Variants in SPAG16 observed in about 807,000 individuals in gnomAD.
The protein encoded by SPAG16 is sperm associated antigen 16.
A neutral mutation model predicts 80.4 loss-of-function variants in SPAG16; 86 were observed. The observed-to-expected ratio is 1.07, with a 90% CI of 0.90 to 1.28. The LOEUF (loss-of-function observed/expected upper bound fraction) is 1.28, where lower values mean the gene tolerates loss of function less well. Ranked by LOEUF, SPAG16 falls within the 50% of genes most tolerant of loss-of-function variation. SPAG16 has a pLI of 0.00. For missense variants in SPAG16, 870 were observed against 765.3 expected, an observed-to-expected ratio of 1.14 and a Z score of -1.61; for synonymous variants, 294 against 265.9, an observed-to-expected ratio of 1.11 and a Z score of -1.03.
In SPAG16 at chr2:213,667,978, A is replaced by G. The variant is rs1008127189; in HGVS notation, c.1070+177888A>G. ...TTATTTATTTTTGAGACAAAGTCTC[A>G]TTCTGTTGCCCAGGCTGGAGTGCAT... On this transcript the variant is annotated intron_variant, in intron 10 of 15. Coordinates refer to ENST00000331683, the MANE Select transcript of SPAG16 (RefSeq NM_024532.5). Among the ~76,000 whole-genome samples the G allele has an allele frequency of 9.3e-5, 14 of 149,992 alleles. No individual in the cohort carries two copies. In the East Asian group the frequency reaches 1.2e-3, roughly 12 times the overall value.
chr2:213,881,602 A>T (rs2106029664), intron 11 of SPAG16, among the ~76,000 whole-genome samples: 1 of 152,312 alleles, frequency 6.6e-6, no homozygotes, highest in East Asian at 1.9e-4. Flanking sequence ...GGAACAAGGC[A>T]CCTTCTCCAC....
intron 15 of SPAG16, among the ~76,000 whole-genome samples, chr2:214,180,563 A>T (rs1214692815): frequency 2.0e-5 from 3 of 150,594 alleles, no homozygotes; most frequent in African/African-American, 7.3e-5. Context: ...TGTAGTCAGT[A>T]TTCATCCTTC....
At chr2:213,350,447 A>G in intron 6 of SPAG16, 81 bp from the exon 7 acceptor site, 1 of 705,560 alleles carries the variant, frequency 1.4e-6, no homozygotes, top group Middle Eastern at 3.0e-4. Flanking sequence ...AAGAAAAAGA[A>G]AAAAAGGTTT....
intron 13 of SPAG16, among the ~76,000 whole-genome samples, chr2:214,025,866 T>G (rs1256448224): frequency 2.6e-5 from 4 of 151,516 alleles, no homozygotes; most frequent in African/African-American, 9.7e-5. Flanking sequence ...ATTCTATATA[T>G]AAGGACAAAA....
chr2:214,220,021 T>C (rs796549282), intron 15 of SPAG16, among the ~76,000 whole-genome samples: 3 of 152,244 alleles, frequency 2.0e-5, no homozygotes, highest in African/African-American at 7.2e-5. Context: ...CTCCTTCATA[T>C]CTAATAGTTT....
intron 10 of SPAG16, among the ~76,000 whole-genome samples, chr2:213,809,393 C>CTAG (rs1318731574): frequency 6.6e-6 from 1 of 152,122 alleles, no homozygotes; most frequent in Admixed American, 6.5e-5. Flanking sequence ...CACCCAGGTC[C>CTAG]TAGCAAGCTC....
At chr2:214,286,523 T>C (rs912890343) in intron 15 of SPAG16, among the ~76,000 whole-genome samples, 3 of 152,098 alleles carry the variant, frequency 2.0e-5, no homozygotes, top group Admixed American at 2.0e-4. Flanking sequence ...AAGGTGGGCA[T>C]ATCACTTGAA....
intron 10 of SPAG16, among the ~76,000 whole-genome samples, chr2:213,838,808 T>C (rs761505949): frequency 1.3e-5 from 2 of 152,308 alleles, no homozygotes; most frequent in African/African-American, 4.8e-5. Flanking sequence ...ATTTGGGGGA[T>C]TGGCTATTAT....
chr2:213,922,127 C>G (rs570660739), intron 11 of SPAG16, among the ~76,000 whole-genome samples: 5 of 152,266 alleles, frequency 3.3e-5, no homozygotes, highest in Admixed American at 6.5e-5. Context: ...TTCCAAGTTG[C>G]TTACTTTCCC....
chr2:213,981,072 T>A (rs1283277694), intron 12 of SPAG16, among the ~76,000 whole-genome samples: 1 of 152,234 alleles, frequency 6.6e-6, no homozygotes, highest in South Asian at 2.1e-4. Flanking sequence ...GAGATCAAGA[T>A]GCCAGCTGAC....
At chr2:214,373,450 G>T (rs1206368679) in intron 15 of SPAG16, among the ~76,000 whole-genome samples, 1 of 152,134 alleles carries the variant, frequency 6.6e-6, no homozygotes, top group Non-Finnish European at 1.5e-5. Context: ...TAGTGTATTT[G>T]TGTGTGGGAT....
intron 14 of SPAG16, among the ~76,000 whole-genome samples, chr2:214,114,847 G>T (rs549804556): frequency 1.3e-5 from 2 of 152,288 alleles, no homozygotes; most frequent in African/African-American, 4.8e-5. Context: ...GATGAACCAG[G>T]TACCTCAGTT....
intron 10 of SPAG16, among the ~76,000 whole-genome samples, chr2:213,589,870 C>T (rs544377533): frequency 1.3e-5 from 2 of 150,712 alleles, no homozygotes; most frequent in East Asian, 3.9e-4. Flanking sequence ...TTCAGTGAGC[C>T]GAGATCGCGC....
intron 10 of SPAG16, among the ~76,000 whole-genome samples, chr2:213,602,628 G>A (rs550956369): frequency 1.8e-4 from 27 of 152,294 alleles, no homozygotes; most frequent in East Asian, 7.7e-4. Flanking sequence ...GCGAGACTCC[G>A]TCTCACAAAA....
intron 15 of SPAG16, among the ~76,000 whole-genome samples, chr2:214,356,459 T>A (rs1355432215): frequency 2.0e-5 from 3 of 151,976 alleles, no homozygotes; most frequent in African/African-American, 7.2e-5. Context: ...GTAGTGGACA[T>A]TTGGTGTCTG....
chr2:214,222,523 AT>A (rs1296552506), intron 15 of SPAG16, among the ~76,000 whole-genome samples: 2 of 152,194 alleles, frequency 1.3e-5, no homozygotes, highest in African/African-American at 4.8e-5. Context: ...ATAGCCTTAA[AT>A]TTTAATCTCA....
At chr2:213,751,987 C>T (rs1172433070) in intron 10 of SPAG16, among the ~76,000 whole-genome samples, 2 of 151,982 alleles carry the variant, frequency 1.3e-5, no homozygotes, top group Non-Finnish European at 2.9e-5. Flanking sequence ...TAAACTAAAC[C>T]GAAAAAGTAA....
intron 13 of SPAG16, among the ~76,000 whole-genome samples, chr2:214,097,154 CA>C (rs1328632992): frequency 1.3e-5 from 2 of 152,030 alleles, no homozygotes; most frequent in East Asian, 3.9e-4. Context: ...TAGAGACAAG[CA>C]GAATATAGTA....
intron 14 of SPAG16, among the ~76,000 whole-genome samples, chr2:214,143,988 TC>T (rs1424255521): frequency 1.3e-5 from 2 of 151,984 alleles, no homozygotes; most frequent in African/African-American, 4.8e-5. Flanking sequence ...CAAGACCCTG[TC>T]TATAAAAAAA....
Sources: allele counts gnomAD v4.1 joint callset (sites outside exome capture counted in the v4.1 genomes callset), GRCh38; gene constraint gnomAD v4.1.1; transcripts MANE v1.5; gene names NCBI Gene and HGNC (gene_info 2026-07-23, HGNC 2026-07-21).